The following KMT2C variants were observed in gnomAD, a reference collection of about 807,000 sequenced individuals.
KMT2C encodes histone-lysine N-methyltransferase 2C.
A neutral mutation model predicts 507.9 loss-of-function variants in KMT2C; 88 were observed. That is an observed-to-expected ratio of 0.17 (90% CI 0.15 to 0.21). The LOEUF (loss-of-function observed/expected upper bound fraction) is 0.21. Among genes scored for constraint, KMT2C ranks in the 10% least tolerant of loss-of-function variants. The pLI is 1.00. For missense variants in KMT2C, 4,954 were observed against 5,957.8 expected (o/e 0.83, Z 5.55); for synonymous variants, 2,049 against 2,080.8 (o/e 0.98, Z 0.42).
chr7:152,263,242 G>T, intron 8 of KMT2C, 112 bp from the exon 9 acceptor site: 1 of 833,996 alleles, frequency 1.2e-6, no homozygotes. Context: ...AAATACCTCA[G>T]TATCTGTTTT....
chr7:152,218,993 A>G (rs1188027161), intron 23 of KMT2C, among the ~76,000 whole-genome samples: 1 of 150,716 alleles, frequency 6.6e-6, no homozygotes, highest in Non-Finnish European at 1.5e-5. Context: ...TTTTGGAGAC[A>G]GAGTCTTGCT....
intron 37 of KMT2C, 48 bp downstream of exon 37, chr7:152,179,786 C>T (rs2129117790): frequency 6.4e-7 from 1 of 1,559,512 alleles, no homozygotes; most frequent in Non-Finnish European, 8.8e-7. Context: ...AGCTCTGTTT[C>T]CCTCTTCTAA....
intron 1 of KMT2C, among the ~76,000 whole-genome samples, chr7:152,426,118 C>T (rs911200900): frequency 5.3e-5 from 8 of 151,948 alleles, no homozygotes; most frequent in African/African-American, 1.9e-4. Context: ...TTCTGCTGAC[C>T]TAGCTTTTTA....
At chr7:152,249,223 G>C (rs574698377) in intron 13 of KMT2C, among the ~76,000 whole-genome samples, 1 of 151,220 alleles carries the variant, frequency 6.6e-6, no homozygotes, top group African/African-American at 2.4e-5. Context: ...ATACCAGTAT[G>C]TTAAACCTTT....
intron 1 of KMT2C, among the ~76,000 whole-genome samples, chr7:152,423,483 T>C (rs557335229): frequency 5.1e-4 from 77 of 152,340 alleles, no homozygotes; most frequent in African/African-American, 1.7e-3. Context: ...TGGACTCCTT[T>C]CTGTATTTTG....
At position 152,250,909 on chromosome 7, in the gene KMT2C, T is replaced by A. The variant is rs755653261; in HGVS notation, c.1679A>T (p.Gln560Leu). The change falls in exon 12 of 59, where the codon CAG becomes CTG. Residue 560 changes from glutamine to leucine, a missense_variant. Physicochemically the swap from Gln to Leu is moderately radical, Grantham distance 113. Transcript: ENST00000262189. Reference sequence around the variant, plus strand: ...ACCGTTGACATCTTTATTAGCTGCCTGCTCTGAGAATACCATTTGATCTTC... The same window carrying A: ...ACCGTTGACATCTTTATTAGCTGCCAGCTCTGAGAATACCATTTGATCTTC... ...GPEDQMVFSE[Q>L]AANKDVNGQE... 6.8e-6 allele frequency: 11 copies of A among 1,611,894 alleles called. No homozygotes were observed. In the South Asian group the frequency reaches 1.1e-4, roughly 16 times the overall value.
intron 7 of KMT2C, 102 bp downstream of exon 7, chr7:152,273,603 C>A: frequency 7.1e-7 from 1 of 1,411,948 alleles, no homozygotes; most frequent in Non-Finnish European, 9.5e-7. Flanking sequence ...TGTATTATTA[C>A]CTTTTAATAC....
At chr7:152,420,490 A>C (rs1352118529) in intron 1 of KMT2C, among the ~76,000 whole-genome samples, 1 of 152,208 alleles carries the variant, frequency 6.6e-6, no homozygotes, top group Non-Finnish European at 1.5e-5. Flanking sequence ...GATTATCAAC[A>C]GAGTAAACAG....
At chr7:152,323,133 T>C (rs551698911) in intron 3 of KMT2C, among the ~76,000 whole-genome samples, 21 of 151,942 alleles carry the variant, frequency 1.4e-4, no homozygotes, top group African/African-American at 4.8e-4. Context: ...CTCAAAAAAC[T>C]AAAAATAGAA....
At chr7:152,196,313 A>G (rs188985495) in intron 27 of KMT2C, among the ~76,000 whole-genome samples, 1 of 152,250 alleles carries the variant, frequency 6.6e-6, no homozygotes, top group African/African-American at 2.4e-5. Context: ...CAAAGAAAAA[A>G]AAGTTTTTCA....
intron 1 of KMT2C, among the ~76,000 whole-genome samples, chr7:152,434,942 AG>A (rs2097902452): frequency 6.6e-6 from 1 of 152,110 alleles, no homozygotes; most frequent in East Asian, 1.9e-4. Flanking sequence ...AAACTTAGGC[AG>A]GCCGTTCCCC....
chr7:152,151,499 C>A lies in KMT2C; in HGVS notation c.12609G>T (p.Val4203=). 2 of 1,614,148 alleles carry A rather than the reference C, an allele frequency of 1.2e-6. No homozygotes were observed. Among genetic ancestry groups the A allele is most frequent in the African/African-American group, 2.7e-5 (2 of 75,064 alleles). Residue 4203 remains valine (V), a synonymous_variant, in exon 50 of 59, where the codon GTG becomes GTT. Coordinates refer to ENST00000262189, the MANE Select transcript of KMT2C (RefSeq NM_170606.3). ...TCCGCACACCACTTCCAAGAATAACCACTTTACAATGACAACACCACTGTG... is the reference window on the plus strand; with the variant it reads ...TCCGCACACCACTTCCAAGAATAACAACTTTACAATGACAACACCACTGTG... ...LRPQWCCHCK[V]VILGSGVRKS... is the part of the protein sequence containing the mutation.
chr7:152,297,563 A>G (rs1302828352), intron 6 of KMT2C, among the ~76,000 whole-genome samples: 2 of 152,216 alleles, frequency 1.3e-5, no homozygotes, highest in Admixed American at 1.3e-4. Flanking sequence ...AAAACTATTA[A>G]TTCATGGAAC....
chr7:152,383,539 T>C (rs540741374), intron 1 of KMT2C, among the ~76,000 whole-genome samples: 3 of 151,654 alleles, frequency 2.0e-5, no homozygotes, highest in South Asian at 4.1e-4. Context: ...GGAGGGATTA[T>C]ATTACACATG....
chr7:152,192,472 C>G (rs1343737076), intron 31 of KMT2C, among the ~76,000 whole-genome samples: 2 of 151,006 alleles, frequency 1.3e-5, no homozygotes, highest in Non-Finnish European at 2.9e-5. Flanking sequence ...ACTCAGAGGG[C>G]AGAGGTTGCA....
intron 6 of KMT2C, among the ~76,000 whole-genome samples, chr7:152,297,954 G>A (rs1262632314): frequency 2.0e-5 from 3 of 152,092 alleles, no homozygotes; most frequent in African/African-American, 7.2e-5. Flanking sequence ...AGAGACATGG[G>A]AGATAAACAA....
rs575335676 is a variant in KMT2C, at chr7:152,238,594, A to G, written c.2652+113T>C. 3.9e-5 allele frequency: 30 copies of G among 766,564 alleles called. No individual in the cohort carries two copies. In the East Asian group the frequency reaches 7.8e-4, roughly 20 times the overall value. 47.5% of individuals were successfully genotyped at this position (766,564 alleles called of 1,614,324 possible). ...TTTACATTAAAATTTTTAGATTTAA[A>G]AAGTGTTTCTTGGAAGCTCAATCTA... On this transcript the variant is annotated intron_variant, in intron 15 of 58. Transcript: ENST00000262189.
intron 1 of KMT2C, among the ~76,000 whole-genome samples, chr7:152,363,453 G>A (rs1362112061): frequency 1.3e-5 from 2 of 152,164 alleles, no homozygotes; most frequent in Non-Finnish European, 2.9e-5. Context: ...TCTACATAAA[G>A]CCACATGGGA....
At chr7:152,423,768 A>T (rs1186873393) in intron 1 of KMT2C, among the ~76,000 whole-genome samples, 1 of 152,216 alleles carries the variant, frequency 6.6e-6, no homozygotes, top group East Asian at 1.9e-4. Flanking sequence ...GGCTGTTAAG[A>T]ATTGGCCCAG....
Sources: allele counts gnomAD v4.1 joint callset (sites outside exome capture counted in the v4.1 genomes callset), GRCh38; gene constraint gnomAD v4.1.1; transcripts MANE v1.5; gene names NCBI Gene and HGNC (gene_info 2026-07-23, HGNC 2026-07-21).